The following CMIP variants were observed in gnomAD, a reference collection of about 807,000 sequenced individuals.
The protein encoded by CMIP is C-Maf-inducing protein.
A neutral mutation model predicts 97.3 loss-of-function variants in CMIP; 13 were observed. The observed-to-expected ratio is 0.13, with a 90% CI of 0.09 to 0.21. CMIP has a LOEUF of 0.21. CMIP is among the 10% of genes least tolerant of loss of function. The pLI, the probability that CMIP is intolerant of heterozygous loss-of-function variation, is 1.00. For synonymous variants in CMIP, 538 were observed against 436.3 expected (o/e 1.23, Z -2.91); for missense variants, 847 against 1,024.9 (o/e 0.83, Z 2.37).
chr16:81,544,734 T>C (rs34485103), intron 1 of CMIP, among the ~76,000 whole-genome samples: 1 of 151,786 alleles, frequency 6.6e-6, no homozygotes. Context: ...TATGTGCATG[T>C]GTGTGTGTGC....
At chr16:81,452,827 A>G (rs1490269393) in intron 1 of CMIP, among the ~76,000 whole-genome samples, 1 of 151,764 alleles carries the variant, frequency 6.6e-6, no homozygotes, top group African/African-American at 2.4e-5. Flanking sequence ...CTTGCCCCGT[A>G]AAGCTTCCAT....
intron 1 of CMIP, among the ~76,000 whole-genome samples, chr16:81,492,024 T>A (rs1286402316): frequency 9.9e-5 from 15 of 152,210 alleles, no homozygotes; most frequent in Non-Finnish European, 2.1e-4. Flanking sequence ...GTTTCCTGCT[T>A]TTCTTCCTCA....
chr16:81,446,820 G>A (rs1322357594), intron 1 of CMIP, among the ~76,000 whole-genome samples: 1 of 152,168 alleles, frequency 6.6e-6, no homozygotes, highest in Non-Finnish European at 1.5e-5. Flanking sequence ...AAAGTTAGCT[G>A]AAGAATCCTA....
Position 81,621,130 on chromosome 16 carries a change from A to T in CMIP, c.477+204A>T. Reference sequence around the variant, plus strand: ...CTGTCCCCTGCAGTGCTGAAATAGCATTCTCGCCCTGGTGTTCTCAAACCC... The same window carrying T: ...CTGTCCCCTGCAGTGCTGAAATAGCTTTCTCGCCCTGGTGTTCTCAAACCC... On this transcript the variant is annotated intron_variant, in intron 3 of 20. Transcript: ENST00000537098. The surrounding 1 kb of genome is among the most constrained non-coding windows in gnomAD (Gnocchi z 4.1). 1 of 560,812 alleles carries T rather than the reference A, an allele frequency of 1.8e-6. No homozygotes were observed. Among genetic ancestry groups the T allele is most frequent in the Non-Finnish European group, 3.2e-6 (1 of 313,556 alleles). The allele number at this position is 560,812 out of a possible 1,614,324, so 34.7% of individuals were successfully genotyped here. A position where few individuals can be genotyped will look rare whatever the true frequency, so the allele number is the denominator to read the frequency against.
chr16:81,677,825 T>C (rs770665725), intron 9 of CMIP, among the ~76,000 whole-genome samples: 3 of 152,134 alleles, frequency 2.0e-5, no homozygotes, highest in South Asian at 4.1e-4. Flanking sequence ...TGGAGGACAT[T>C]GTGGCATGAG....
At chr16:81,517,052 A>G (rs1377796533) in intron 1 of CMIP, among the ~76,000 whole-genome samples, 2 of 152,092 alleles carry the variant, frequency 1.3e-5, no homozygotes, top group Non-Finnish European at 1.5e-5. Context: ...GCAGGTTTCA[A>G]GGTCATCACT....
chr16:81,676,861 C>T (rs1021639261), intron 9 of CMIP, among the ~76,000 whole-genome samples: 1 of 152,158 alleles, frequency 6.6e-6, no homozygotes, highest in South Asian at 2.1e-4. Context: ...GCTGTGTGGC[C>T]CTGTCCTCAA....
chr16:81,709,561 C>T (rs1160391699), intron 20 of CMIP, among the ~76,000 whole-genome samples, 185 bp from the exon 21 acceptor site: 1 of 152,230 alleles, frequency 6.6e-6, no homozygotes, highest in African/African-American at 2.4e-5. Flanking sequence ...GGCCAGGGCA[C>T]ATCCCACCTG....
chr16:81,479,126 C>T (rs1908107016), intron 1 of CMIP, among the ~76,000 whole-genome samples: 1 of 152,188 alleles, frequency 6.6e-6, no homozygotes, highest in African/African-American at 2.4e-5. Flanking sequence ...GAAGGAGCTG[C>T]TGTGTTTTCT....
chr16:81,492,135 G>A (rs1282321626), intron 1 of CMIP, among the ~76,000 whole-genome samples: 4 of 152,206 alleles, frequency 2.6e-5, no homozygotes, highest in Admixed American at 2.6e-4. Context: ...AGGGAGATTA[G>A]TCGGCCACAG....
At chr16:81,561,992 C>T (rs12925699) in intron 1 of CMIP, among the ~76,000 whole-genome samples, 14 of 151,850 alleles carry the variant, frequency 9.2e-5, no homozygotes, top group Admixed American at 4.6e-4. Flanking sequence ...ATAAATACCT[C>T]GGGCAGAGGA....
chr16:81,523,912 C>G (rs2090078363), intron 1 of CMIP, among the ~76,000 whole-genome samples: 1 of 152,278 alleles, frequency 6.6e-6, no homozygotes, highest in Non-Finnish European at 1.5e-5. Flanking sequence ...AAAGCCAGCG[C>G]CTGCACACCG....
intron 1 of CMIP, among the ~76,000 whole-genome samples, chr16:81,587,431 C>T (rs556538713): frequency 6.6e-6 from 1 of 152,332 alleles, no homozygotes; most frequent in Non-Finnish European, 1.5e-5. Flanking sequence ...GGGCCTGTGA[C>T]CCAGTGGGGG....
At chr16:81,668,194 G>T (rs2092631520) in intron 7 of CMIP, among the ~76,000 whole-genome samples, 1 of 152,160 alleles carries the variant, frequency 6.6e-6, no homozygotes, top group African/African-American at 2.4e-5. Context: ...GGAGGGACAG[G>T]TCTGGAGACT....
chr16:81,581,246 C>A (rs2091291408), intron 1 of CMIP, among the ~76,000 whole-genome samples: 1 of 152,156 alleles, frequency 6.6e-6, no homozygotes, highest in Admixed American at 6.5e-5. Context: ...CATTCTTGTA[C>A]AAGTGTAGTC....
At chr16:81,456,341 T>TG (rs1285123241) in intron 1 of CMIP, among the ~76,000 whole-genome samples, 2 of 152,134 alleles carry the variant, frequency 1.3e-5, no homozygotes, top group Admixed American at 1.3e-4. Flanking sequence ...GCAGGGGAAA[T>TG]GGAGACCTCA....
At chr16:81,677,421 C>T (rs1008740732) in intron 9 of CMIP, among the ~76,000 whole-genome samples, 6 of 152,188 alleles carry the variant, frequency 3.9e-5, no homozygotes, top group African/African-American at 1.4e-4. Context: ...TGTGTGACTG[C>T]ACTTAGCACC....
At chr16:81,568,277 A>G (rs1165604615) in intron 1 of CMIP, among the ~76,000 whole-genome samples, 2 of 152,100 alleles carry the variant, frequency 1.3e-5, no homozygotes, top group East Asian at 3.9e-4. Flanking sequence ...CAGTGCGGTC[A>G]GTAAAGTCTG....
rs1302428552 is a variant in CMIP at position 81,667,722 on chromosome 16, G to A, written c.826-2420G>A. Among the ~76,000 whole-genome samples the A allele has an allele frequency of 2.1e-5, 3 of 145,960 alleles. No individual in the cohort carries two copies. In the East Asian group the frequency reaches 6.9e-4, roughly 33 times the overall value. On this transcript the variant is annotated intron_variant, in intron 7 of 20. Coordinates refer to ENST00000537098, the MANE Select transcript of CMIP (RefSeq NM_198390.3). ...AGCCAGATTAAATACTTGTGAGGCA[G>A]AGGCCTCATTTTCTAACCCAGGAGG...
Sources: allele counts gnomAD v4.1 joint callset (sites outside exome capture counted in the v4.1 genomes callset), GRCh38; gene constraint gnomAD v4.1.1; non-coding constraint Gnocchi (gnomAD v3.1); transcripts MANE v1.5; gene names NCBI Gene and HGNC (gene_info 2026-07-23, HGNC 2026-07-21).